The following CHD5 variants were observed in gnomAD, a reference collection of about 807,000 sequenced individuals.
The protein encoded by CHD5 is ATP-dependent chromatin remodeler CHD5.
CHD5 carries 69 observed loss-of-function variants against 230.3 expected under a neutral mutation model. The observed-to-expected ratio is 0.30, with a 90% CI of 0.25 to 0.37. The LOEUF (loss-of-function observed/expected upper bound fraction) is 0.37, where lower values mean the gene tolerates loss of function less well. CHD5 is among the 10% of genes least tolerant of loss of function. CHD5 has a pLI of 1.00. For missense variants in CHD5, 1,827 were observed against 2,622.8 expected (o/e 0.70, Z 6.63); for synonymous variants, 1,064 against 1,065.9 (o/e 1.00, Z 0.03).
At position 6,142,628 on chromosome 1, in the gene CHD5, G is replaced by T. The variant is rs1431951742; in HGVS notation, c.2044-23C>A. 1 of 1,598,204 alleles carries T rather than the reference G, an allele frequency of 6.3e-7. No homozygotes were observed. The highest frequency in any genetic ancestry group is 1.1e-5 in the South Asian group (1 of 89,136). On this transcript the variant is annotated intron_variant, in intron 13 of 41. Transcript: ENST00000262450. This position sits in a 1 kb window ranked among gnomAD's most constrained non-coding sequence, Gnocchi z 5.2. ...GGGCTGCAGGGGAGGCAGCGGTTCA[G>T]ACACGCCCCAGATCCTGGGCCACCA...
At position 6,103,955 on chromosome 1, in the gene CHD5, C is replaced by T. The variant is rs1339733810; in HGVS notation, c.*1519G>A. ...AGGCCCTCTCCAAGGAGCTGAGCCC[C>T]AGCCCGTGTGCACCTCCACCCCAGG... On this transcript the variant is annotated 3_prime_UTR_variant, in exon 42 of 42. Coordinates refer to ENST00000262450, the MANE Select transcript of CHD5 (RefSeq NM_015557.3). 6.6e-6 allele frequency: 1 copy of T among 152,360 alleles called. No individual in the cohort carries two copies. Among genetic ancestry groups the T allele is most frequent in the Non-Finnish European group, 1.5e-5 (1 of 68,176 alleles). The allele number at this position is 152,360 out of a possible 1,614,324, so 9.4% of individuals were successfully genotyped here.
chr1:6,176,618 TG>T (rs1667429935), intron 1 of CHD5, among the ~76,000 whole-genome samples: 1 of 152,236 alleles, frequency 6.6e-6, no homozygotes, highest in African/African-American at 2.4e-5. Context: ...GCAGGACAGC[TG>T]CCCTCCTTGG....
rs910924582 is a variant in CHD5, at chr1:6,146,009, G to A, written c.1802+203C>T. Among the ~76,000 whole-genome samples, 15 of 152,084 alleles carry A rather than the reference G, an allele frequency of 9.9e-5. No homozygotes were observed. The highest frequency in any genetic ancestry group is 6.5e-4 in the Admixed American group (10 of 15,274). ...ATGAGTGTGCCGGCATGCATGGGACGGCCCCTCTAGCAGGTCAGGCAGATC... is the reference window on the plus strand; with the variant it reads ...ATGAGTGTGCCGGCATGCATGGGACAGCCCCTCTAGCAGGTCAGGCAGATC... On this transcript the variant is annotated intron_variant, in intron 11 of 41. Transcript: ENST00000262450. This position sits in a 1 kb window ranked among gnomAD's most constrained non-coding sequence, Gnocchi z 5.1.
At position 6,124,510 on chromosome 1, in the gene CHD5, C is replaced by T; in HGVS notation, c.4539+7G>A. 2 of 1,614,050 alleles carry T rather than the reference C, an allele frequency of 1.2e-6. No homozygotes were observed. Among genetic ancestry groups the T allele is most frequent in the Non-Finnish European group, 1.7e-6 (2 of 1,179,942 alleles). ...AGGAAGGGCCCTACAGAGAGTTACT[C>T]ACCCACCTTCTTCCTAACTAGTGAC... On this transcript the variant is annotated splice_region_variant and intron_variant, in intron 30 of 41. Coordinates refer to ENST00000262450, the MANE Select transcript of CHD5 (RefSeq NM_015557.3).
Position 6,125,094 on chromosome 1 carries a change from CT to C in CHD5, c.4394+5del. 1.3e-6 allele frequency: 2 copies of C among 1,579,552 alleles called. No homozygotes were observed. On this transcript the variant is annotated splice_donor_5th_base_variant and intron_variant, in intron 29 of 41. Transcript: ENST00000262450. The surrounding 1 kb of genome is among the most constrained non-coding windows in gnomAD (Gnocchi z 6.7). ...CACACCCTGGGCCACCACCTAGCCC[CT>C]TTACCTAAACTCCTTCTCGCTCTTC... is the stretch of plus-strand genomic sequence containing the variant.
At position 6,134,074 on chromosome 1, in the gene CHD5, G is replaced by T; in HGVS notation, c.3144+54C>A. The T allele has an allele frequency of 6.3e-7, 1 of 1,575,826 alleles. No homozygotes were observed. On this transcript the variant is annotated intron_variant, in intron 20 of 41. Coordinates refer to ENST00000262450, the MANE Select transcript of CHD5 (RefSeq NM_015557.3). This position sits in a 1 kb window ranked among gnomAD's most constrained non-coding sequence, Gnocchi z 6.3. ...GTTTGCGCCCCCAAGCATCAGGGCA[G>T]GATGCTCTCTGTGGGGTGTGGAGCC...
intron 1 of CHD5, among the ~76,000 whole-genome samples, chr1:6,178,867 C>T (rs1667465352): frequency 6.6e-6 from 1 of 152,196 alleles, no homozygotes; most frequent in Non-Finnish European, 1.5e-5. Flanking sequence ...GTCTTCTCAC[C>T]CCTGGAAGTC....
intron 33 of CHD5, among the ~76,000 whole-genome samples, chr1:6,115,027 G>C (rs4586003): frequency 0.27 from 41,334 of 150,480 alleles, 6,189 homozygotes; most frequent in South Asian, 0.41. Flanking sequence ...AAAAAAAAAG[G>C]GGGGGGCAGG....
At position 6,154,578 on chromosome 1, in the gene CHD5, G is replaced by A. The variant is rs552548897; in HGVS notation, c.745+82C>T. 3.4e-5 allele frequency: 45 copies of A among 1,311,698 alleles called. No individual in the cohort carries two copies. The highest frequency in any genetic ancestry group is 2.8e-4 in the East Asian group (11 of 39,028). 81.3% of individuals were successfully genotyped at this position (1,311,698 alleles called of 1,614,324 possible). A position where few individuals can be genotyped will look rare whatever the true frequency, so the allele number is the denominator to read the frequency against. ...ACCCCAGCTGCCCCTCCCTGCCCGCGTCTGCCCCGTGGCTTCTCCTATAGG... is the reference window on the plus strand; with the variant it reads ...ACCCCAGCTGCCCCTCCCTGCCCGCATCTGCCCCGTGGCTTCTCCTATAGG... On this transcript the variant is annotated intron_variant, in intron 5 of 41. Transcript: ENST00000262450. The surrounding 1 kb of genome is among the most constrained non-coding windows in gnomAD (Gnocchi z 7.0).
chr1:6,112,692 G>T (rs774654695), intron 34 of CHD5, among the ~76,000 whole-genome samples: 8 of 152,198 alleles, frequency 5.3e-5, no homozygotes, highest in Non-Finnish European at 1.0e-4. Flanking sequence ...CTCTCTTAGC[G>T]GCAAGGGCAC....
chr1:6,114,406 C>T lies in CHD5; in HGVS notation c.4913-1408G>A, dbSNP rs772603832. Among the ~76,000 whole-genome samples the T allele has an allele frequency of 4.6e-5, 7 of 152,088 alleles. No homozygotes were observed. The South Asian group carries it at 6.2e-4, about 14-fold the overall frequency. ...TCTCAAACAGAGGTGTCCAATCTTT[C>T]GGCTTCCCTGGGCCACACTGGAAGA... is the stretch of plus-strand genomic sequence containing the variant. On this transcript the variant is annotated intron_variant, in intron 33 of 41. Transcript: ENST00000262450.
rs769454249 is a variant in CHD5 at position 6,135,183 on chromosome 1, G to A, written c.2870+47C>T. On this transcript the variant is annotated intron_variant, in intron 18 of 41. Coordinates refer to ENST00000262450, the MANE Select transcript of CHD5 (RefSeq NM_015557.3). ...GGAATCGACCCAGGAGACCAGCCCA[G>A]GGGAAAGGGCGAGCACAGGCTGCTC... 4 of 1,608,552 alleles carry A rather than the reference G, an allele frequency of 2.5e-6. No homozygotes were observed. The African/African-American group carries it at 5.3e-5, about 21-fold the overall frequency.
In CHD5 at chr1:6,102,132, G is replaced by C. The variant is rs1041744490; in HGVS notation, c.*3342C>G. 3 of 314,658 alleles carry C rather than the reference G, an allele frequency of 9.5e-6. No individual in the cohort carries two copies. The highest frequency in any genetic ancestry group is 2.4e-5 in the African/African-American group (1 of 42,396). The allele number at this position is 314,658 out of a possible 1,614,324, so 19.5% of individuals were successfully genotyped here. On this transcript the variant is annotated 3_prime_UTR_variant, in exon 42 of 42. Coordinates refer to ENST00000262450, the MANE Select transcript of CHD5 (RefSeq NM_015557.3). ...GAACTCAGACCCCACGGGCCAGTGG[G>C]GACCCTCCCTTCCTCTCCAGGGGTG... is the stretch of plus-strand genomic sequence containing the variant.
chr1:6,121,341 G>A lies in CHD5; in HGVS notation c.4780-104C>T, dbSNP rs145078244. On this transcript the variant is annotated intron_variant, in intron 32 of 41. Transcript: ENST00000262450. The surrounding 1 kb of genome is among the most constrained non-coding windows in gnomAD (Gnocchi z 4.5). ...GGAACCCAGTCTCCTGGCTCCCGTC[G>A]CTTGCTCCTAGCCTGCTCCCCGCCG... 1.0e-3 allele frequency: 1,576 copies of A among 1,518,406 alleles called. 13 individuals are homozygous for A. The African/African-American group carries it at 0.019, about 19-fold the overall frequency. The allele number at this position is 1,518,406 out of a possible 1,614,324, so 94.1% of individuals were successfully genotyped here.
rs1157912075 is a variant in CHD5 at position 6,103,874 on chromosome 1, G to A, written c.*1600C>T. ...GGGAGGGCCAGGCAATCGCTCCAGT[G>A]TCTGCAACACAAGCTGGTGAATCCT... On this transcript the variant is annotated 3_prime_UTR_variant, in exon 42 of 42. Transcript: ENST00000262450. The A allele has an allele frequency of 6.6e-6, 1 of 152,000 alleles. No individual in the cohort carries two copies. The highest frequency in any genetic ancestry group is 2.4e-5 in the African/African-American group (1 of 41,338). 9.4% of individuals were successfully genotyped at this position (152,000 alleles called of 1,614,324 possible).
rs1385585427 is a variant in CHD5, at chr1:6,112,151, C to A, written c.5129G>T (p.Gly1710Val). Reference protein sequence around the residue: ...KFKFMFNIADGGFTELHTLWQ... With the variant: ...KFKFMFNIADVGFTELHTLWQ... ...CCCAACCCCAATACCCGTGAAGCCC[C>A]CGTCCGCGATGTTGAACATGAACTT... is the stretch of plus-strand genomic sequence containing the variant. Residue 1710 changes from glycine to valine, a missense_variant, in exon 35 of 42, where the codon GGG becomes GTG. Transcript: ENST00000262450. The A allele has an allele frequency of 4.3e-6, 7 of 1,613,912 alleles. No homozygotes were observed. The highest frequency in any genetic ancestry group is 5.9e-6 in the Non-Finnish European group (7 of 1,179,874).
intron 25 of CHD5, chr1:6,127,160 G>C (rs1037978538): frequency 1.1e-5 from 2 of 190,232 alleles, no homozygotes; most frequent in South Asian, 2.1e-4. Context: ...GCTCTTCGGG[G>C]ACAGCTGGGG....
chr1:6,110,344 G>C (rs1357766515), intron 37 of CHD5, 50 bp downstream of exon 37: 3 of 1,591,646 alleles, frequency 1.9e-6, no homozygotes, highest in Non-Finnish European at 2.6e-6. Flanking sequence ...GGGTCCTCCT[G>C]ACACCGTCCC....
chr1:6,121,463 C>A lies in CHD5; in HGVS notation c.4779+31G>T. 1 of 1,590,714 alleles carries A rather than the reference C, an allele frequency of 6.3e-7. No individual in the cohort carries two copies. The highest frequency in any genetic ancestry group is 1.1e-5 in the South Asian group (1 of 88,766). The stretch of plus-strand genomic sequence containing the variant: ...AGACCCAACCTCCACCCCACACACA[C>A]CACAGGCCCAGACGCCAGCAAGTTC... On this transcript the variant is annotated intron_variant, in intron 32 of 41. Transcript: ENST00000262450. The surrounding 1 kb of genome is among the most constrained non-coding windows in gnomAD (Gnocchi z 4.5).
Sources: gnomAD v4.1 joint callset for allele counts (sites outside exome capture counted in the v4.1 genomes callset) on GRCh38, gnomAD v4.1.1 for gene constraint, Gnocchi (gnomAD v3.1) non-coding constraint, MANE v1.5 for transcripts, NCBI Gene and HGNC (gene_info 2026-07-23, HGNC 2026-07-21) for gene names.